ROBO1: variants seen among roughly 807,000 people sequenced by gnomAD.
ROBO1 encodes the protein roundabout guidance receptor 1.
In ROBO1, 149 loss-of-function variants were observed where a neutral mutation model predicts 195.9. The ratio of observed to expected loss-of-function variants is 0.76; its 90% CI spans 0.67 to 0.87. ROBO1 has a LOEUF of 0.87. Ranked by LOEUF, ROBO1 falls within the 40% of genes least tolerant of loss-of-function variation. The pLI is 0.00. For synonymous variants in ROBO1, 816 were observed against 733.2 expected, an observed-to-expected ratio of 1.11 and a Z score of -1.82; for missense variants, 1,933 against 2,068.3, an observed-to-expected ratio of 0.93 and a Z score of 1.27.
intron 2 of ROBO1, among the ~76,000 whole-genome samples, chr3:79,234,377 AG>A (rs1342498481): frequency 6.6e-6 from 1 of 152,154 alleles, no homozygotes. Context: ...AGCGAAAGAT[AG>A]GGGTCCAGTT....
chr3:79,471,113 G>T (rs1383225177), intron 2 of ROBO1, among the ~76,000 whole-genome samples: 1 of 152,018 alleles, frequency 6.6e-6, no homozygotes, highest in East Asian at 1.9e-4. Flanking sequence ...GGCAGAAGAA[G>T]GAAACTGCAC....
intron 2 of ROBO1, among the ~76,000 whole-genome samples, chr3:79,550,740 A>G (rs1942480043): frequency 6.6e-6 from 1 of 152,338 alleles, no homozygotes; most frequent in Admixed American, 6.5e-5. Context: ...AGTGGGACAC[A>G]TAAGAAGATC....
At chr3:78,634,494 C>G (rs577025982) in intron 23 of ROBO1, 6 of 365,366 alleles carry the variant, frequency 1.6e-5, no homozygotes, top group African/African-American at 1.3e-4. Flanking sequence ...AATCTGTCGT[C>G]TAGTTGCATT....
At chr3:79,415,580 C>A (rs2037968760) in intron 2 of ROBO1, among the ~76,000 whole-genome samples, 1 of 152,024 alleles carries the variant, frequency 6.6e-6, no homozygotes, top group South Asian at 2.1e-4. Context: ...GGGTAGAGAC[C>A]TTTTCAGTTC....
At chr3:79,252,787 T>G (rs2108914148) in intron 2 of ROBO1, among the ~76,000 whole-genome samples, 1 of 152,338 alleles carries the variant, frequency 6.6e-6, no homozygotes, top group Middle Eastern at 3.4e-3. Flanking sequence ...TAAAAAATTT[T>G]ATAATCAGTT....
intron 2 of ROBO1, among the ~76,000 whole-genome samples, chr3:79,395,337 A>G (rs1440714172): frequency 6.8e-6 from 1 of 148,010 alleles, no homozygotes; most frequent in African/African-American, 2.5e-5. Flanking sequence ...AAAAAAAAAA[A>G]AAAAAAGAAA....
chr3:78,842,287 A>ATG lies in ROBO1; in HGVS notation c.500-95388_500-95387insCA, dbSNP rs1379537290. Among the ~76,000 whole-genome samples the ATG allele has an allele frequency of 1.5e-4, 20 of 136,658 alleles. 2 individuals carry two copies. Among genetic ancestry groups the ATG allele is most frequent in the African/African-American group, 4.7e-4 (17 of 36,380 alleles). The allele number at this position is 136,658 out of a possible 152,430, so 89.7% of individuals were successfully genotyped here. A position where few individuals can be genotyped will look rare whatever the true frequency, so the allele number is the denominator to read the frequency against. Reference sequence around the variant, plus strand: ...ATATATGAGCCATATATATATTTATATATATGAGCCATATATATATTTATA... The same window carrying ATG: ...ATATATGAGCCATATATATATTTATATGTATATGAGCCATATATATATTTATA... On this transcript the variant is annotated intron_variant, in intron 4 of 30. Transcript: ENST00000464233.
chr3:79,427,717 T>A (rs971591148), intron 2 of ROBO1, among the ~76,000 whole-genome samples: 1 of 152,114 alleles, frequency 6.6e-6, no homozygotes, highest in Non-Finnish European at 1.5e-5. Flanking sequence ...ATAAGTGGTG[T>A]TGGGAAAACT....
chr3:79,000,915 T>C (rs1321189435), intron 3 of ROBO1, among the ~76,000 whole-genome samples: 2 of 152,128 alleles, frequency 1.3e-5, no homozygotes, highest in African/African-American at 2.4e-5. Context: ...ATGTGGCACG[T>C]ATACACCATG....
chr3:79,724,364 CACTGAT>C (rs1702823204), intron 1 of ROBO1, among the ~76,000 whole-genome samples: 1 of 152,146 alleles, frequency 6.6e-6, no homozygotes, highest in Non-Finnish European at 1.5e-5. Context: ...TTCTCAATAC[CACTGAT>C]ATTCGCTGCC....
intron 4 of ROBO1, among the ~76,000 whole-genome samples, chr3:78,848,470 G>A (rs1200406713): frequency 6.6e-6 from 1 of 152,102 alleles, no homozygotes; most frequent in Non-Finnish European, 1.5e-5. Flanking sequence ...CACAGTAAAG[G>A]GGTAAGAAAG....
chr3:78,735,143 C>T (rs1214512817), intron 5 of ROBO1, among the ~76,000 whole-genome samples: 1 of 152,108 alleles, frequency 6.6e-6, no homozygotes, highest in East Asian at 1.9e-4. Context: ...AAAAGGTTTG[C>T]TTTAATTTCT....
chr3:79,442,518 G>A (rs767176847), intron 2 of ROBO1, among the ~76,000 whole-genome samples: 2 of 151,988 alleles, frequency 1.3e-5, no homozygotes, highest in Non-Finnish European at 2.9e-5. Flanking sequence ...AAGGCATTCT[G>A]GTGGTCCCGT....
chr3:79,334,175 C>T (rs1309910793), intron 2 of ROBO1, among the ~76,000 whole-genome samples: 1 of 151,600 alleles, frequency 6.6e-6, no homozygotes. Context: ...CGTGGTGGTG[C>T]ACCTGTAATC....
chr3:79,253,900 T>A (rs1381000341), intron 2 of ROBO1, among the ~76,000 whole-genome samples: 1 of 152,198 alleles, frequency 6.6e-6, no homozygotes, highest in African/African-American at 2.4e-5. Flanking sequence ...GTACAGTAAT[T>A]TCAGTTCTGC....
chr3:78,944,899 G>C (rs1053012032), intron 3 of ROBO1, among the ~76,000 whole-genome samples: 6 of 152,212 alleles, frequency 3.9e-5, no homozygotes, highest in African/African-American at 1.4e-4. Context: ...CTACACCCAG[G>C]GAGTCTTGCT....
At chr3:78,694,385 G>C (rs1244916430) in intron 8 of ROBO1, among the ~76,000 whole-genome samples, 1 of 152,088 alleles carries the variant, frequency 6.6e-6, no homozygotes, top group East Asian at 1.9e-4. Flanking sequence ...AAATGCTAAA[G>C]AATGTTGTTG....
chr3:79,357,370 T>G (rs1245927556), intron 2 of ROBO1, among the ~76,000 whole-genome samples: 1 of 152,164 alleles, frequency 6.6e-6, no homozygotes, highest in Non-Finnish European at 1.5e-5. Flanking sequence ...CATGAGCAAC[T>G]GCAGTATGCG....
rs542573555 is a variant in ROBO1, at chr3:78,920,630, T to C, written c.499+17971A>G. On this transcript the variant is annotated intron_variant, in intron 4 of 30. Coordinates refer to ENST00000464233, the MANE Select transcript of ROBO1 (RefSeq NM_002941.4). ...TTTCTTTTTCTTTCTTTCAGTTTTT[T>C]TTTTTTTTTTTTTTTTTTTTTTGAC... 2.3e-4 allele frequency among the ~76,000 whole-genome samples: 30 copies of C among 130,368 alleles called. 1 individual carries two copies. In the South Asian group the frequency reaches 7.7e-3, roughly 34 times the overall value. 85.5% of individuals were successfully genotyped at this position (130,368 alleles called of 152,430 possible).
Sources: allele counts gnomAD v4.1 joint callset (sites outside exome capture counted in the v4.1 genomes callset), GRCh38; gene constraint gnomAD v4.1.1; transcripts MANE v1.5; gene names NCBI Gene and HGNC (gene_info 2026-07-23, HGNC 2026-07-21).